The following CTCFL variants were observed in gnomAD, a reference collection of about 807,000 sequenced individuals.
CTCFL encodes transcriptional repressor CTCFL.
In CTCFL, 36 loss-of-function variants were observed where a neutral mutation model predicts 67.4. The ratio of observed to expected loss-of-function variants is 0.53; its 90% CI spans 0.41 to 0.71. CTCFL has a LOEUF of 0.71. Among genes scored for constraint, CTCFL ranks in the 30% least tolerant of loss-of-function variants. CTCFL has a pLI of 0.00. For synonymous variants in CTCFL, 324 were observed against 302.3 expected, an observed-to-expected ratio of 1.07 and a Z score of -0.75; for missense variants, 786 against 835.2, an observed-to-expected ratio of 0.94 and a Z score of 0.73.
At chr20:57,512,272 C>T (rs1050963663) in intron 8 of CTCFL, among the ~76,000 whole-genome samples, 1 of 152,184 alleles carries the variant, frequency 6.6e-6, no homozygotes, top group African/African-American at 2.4e-5. Context: ...TTGATCCGGG[C>T]TAAGGACCAC....
intron 8 of CTCFL, among the ~76,000 whole-genome samples, chr20:57,510,780 G>A (rs1367831002): frequency 6.6e-6 from 1 of 152,150 alleles, no homozygotes; most frequent in Non-Finnish European, 1.5e-5. Context: ...GGAGAATGGC[G>A]TGAACCCAGG....
At chr20:57,504,911 C>G (rs558845267) in intron 9 of CTCFL, among the ~76,000 whole-genome samples, 1 of 151,950 alleles carries the variant, frequency 6.6e-6, no homozygotes, top group Non-Finnish European at 1.5e-5. Context: ...ATCCTCCATG[C>G]GCTGATTTAT....
intron 9 of CTCFL, chr20:57,506,866 C>G: frequency 1.0e-6 from 1 of 985,076 alleles, no homozygotes; most frequent in Non-Finnish European, 1.2e-6. Flanking sequence ...GTTTTGGGAG[C>G]ACTGCCACAG....
Position 57,523,580 on chromosome 20 carries a change from T to C in CTCFL, c.543+83A>G. The stretch of plus-strand genomic sequence containing the variant: ...CTTTAATTTGCAACTGCAAAATACC[T>C]TGTCCAGACATAATATTGCATAAAA... On this transcript the variant is annotated intron_variant, in intron 2 of 10. Coordinates refer to ENST00000243914, the MANE Select transcript of CTCFL (RefSeq NM_001386993.1). 2.6e-6 allele frequency: 4 copies of C among 1,521,046 alleles called. No individual in the cohort carries two copies. In the South Asian group the frequency reaches 4.0e-5, roughly 15 times the overall value. The allele number at this position is 1,521,046 out of a possible 1,614,324, so 94.2% of individuals were successfully genotyped here. A position where few individuals can be genotyped will look rare whatever the true frequency, so the allele number is the denominator to read the frequency against.
chr20:57,524,077 G>T lies in CTCFL; in HGVS notation c.129C>A (p.Ser43Arg). The stretch of plus-strand genomic sequence containing the variant: ...TACGCTCGGCCTCCAACTCACTAGG[G>T]CTCCGATGGTCTTTCTCTCTGCACA... ...DGVCREKDHR[S>R]PSELEAERTS... The change falls in exon 2 of 11, where the codon AGC becomes AGA. Residue 43 changes from serine to arginine, a missense_variant. Coordinates refer to ENST00000243914, the MANE Select transcript of CTCFL (RefSeq NM_001386993.1). The T allele has an allele frequency of 6.2e-7, 1 of 1,613,672 alleles. No individual in the cohort carries two copies. The highest frequency in any genetic ancestry group is 8.5e-7 in the Non-Finnish European group (1 of 1,179,976).
intron 7 of CTCFL, 54 bp downstream of exon 7, chr20:57,514,538 G>A (rs1319684482): frequency 4.4e-6 from 7 of 1,595,556 alleles, no homozygotes; most frequent in East Asian, 4.5e-5. Context: ...ATAGGACCAC[G>A]CTCCAAAGAG....
chr20:57,519,474 G>C, intron 3 of CTCFL, 97 bp from the exon 4 acceptor site: 1 of 1,040,680 alleles, frequency 9.6e-7, no homozygotes, highest in Non-Finnish European at 1.5e-6. Context: ...ACTAACGTGG[G>C]AACTGAACAA....
chr20:57,525,637 G>A (rs1448785577), upstream of CTCFL: 1 of 57,802 alleles, frequency 1.7e-5, no homozygotes. Flanking sequence ...TGAGATACTG[G>A]GGGGAGGGGT....
chr20:57,503,710 C>A (rs1369199065), intron 9 of CTCFL, 109 bp from the exon 10 acceptor site: 1 of 1,158,888 alleles, frequency 8.6e-7, no homozygotes, highest in Non-Finnish European at 1.2e-6. Flanking sequence ...ATCCTGAGTT[C>A]TTTCGAGGGC....
chr20:57,524,155 T>C lies in CTCFL; in HGVS notation c.51A>G (p.Lys17=), dbSNP rs749032208. Residue 17 remains lysine, a synonymous_variant, in exon 2 of 11, where the codon AAA becomes AAG. Coordinates refer to ENST00000243914, the MANE Select transcript of CTCFL (RefSeq NM_001386993.1). ...SVLSEQFTKI[K]ELELMPEKGL... ...CTTTTTCCGGCATCAACTCGAGTTC[T>C]TTGATCTTGGTGAATTGCTCAGAAA... 3 of 1,613,572 alleles carry C rather than the reference T, an allele frequency of 1.9e-6. No individual in the cohort carries two copies. The Admixed American group carries it at 5.0e-5, about 27-fold the overall frequency.
Position 57,497,388 on chromosome 20 carries a change from G to C in CTCFL, c.*1162C>G, listed in dbSNP as rs1331712165. ...ATTTCCACATATTCACATTGTATAGGGATTCTGAACTTGTGATATTTTCAA... is the reference window on the plus strand; with the variant it reads ...ATTTCCACATATTCACATTGTATAGCGATTCTGAACTTGTGATATTTTCAA... On this transcript the variant is annotated 3_prime_UTR_variant, in exon 11 of 11. Transcript: ENST00000243914. The C allele has an allele frequency of 8.1e-6, 8 of 984,534 alleles. No individual in the cohort carries two copies. Among genetic ancestry groups the C allele is most frequent in the Non-Finnish European group, 8.4e-6 (7 of 829,342 alleles). 61.0% of individuals were successfully genotyped at this position (984,534 alleles called of 1,614,324 possible). A position where few individuals can be genotyped will look rare whatever the true frequency, so the allele number is the denominator to read the frequency against.
At position 57,523,288 on chromosome 20, in the gene CTCFL, A is replaced by G; in HGVS notation, c.544-10T>C. The stretch of plus-strand genomic sequence containing the variant: ...CCTGCTCTTCCTCGAGCTAATAAAC[A>G]ACAAATATTCAAATATGATACTATT... On this transcript the variant is annotated splice_polypyrimidine_tract_variant and intron_variant, in intron 2 of 10. Coordinates refer to ENST00000243914, the MANE Select transcript of CTCFL (RefSeq NM_001386993.1). The G allele has an allele frequency of 6.2e-7, 1 of 1,608,040 alleles. No individual in the cohort carries two copies. The highest frequency in any genetic ancestry group is 1.1e-5 in the South Asian group (1 of 90,522).
At position 57,513,847 on chromosome 20, in the gene CTCFL, T is replaced by C; in HGVS notation, c.1330+745A>G. 2.3e-6 allele frequency: 3 copies of C among 1,289,028 alleles called. No homozygotes were observed. In the South Asian group the frequency reaches 3.7e-5, roughly 16 times the overall value. 79.8% of individuals were successfully genotyped at this position (1,289,028 alleles called of 1,614,324 possible). Reference sequence around the variant, plus strand: ...ATATATTTTGGAAAGAGAAATAAGATCATGGAAAAGGGAGGCCCAGGAATC... The same window carrying C: ...ATATATTTTGGAAAGAGAAATAAGACCATGGAAAAGGGAGGCCCAGGAATC... On this transcript the variant is annotated intron_variant, in intron 7 of 10. Transcript: ENST00000243914.
rs1476595784 is a variant in CTCFL at position 57,497,605 on chromosome 20, C to G, written c.*945G>C. 3.6e-5 allele frequency: 35 copies of G among 985,300 alleles called. No individual in the cohort carries two copies. The highest frequency in any genetic ancestry group is 4.2e-5 in the Non-Finnish European group (35 of 829,934). 61.0% of individuals were successfully genotyped at this position (985,300 alleles called of 1,614,324 possible). A position where few individuals can be genotyped will look rare whatever the true frequency, so the allele number is the denominator to read the frequency against. On this transcript the variant is annotated 3_prime_UTR_variant, in exon 11 of 11. Transcript: ENST00000243914. The stretch of plus-strand genomic sequence containing the variant: ...TCACGCTGCTCGAGGGTGGAAAAAT[C>G]TTGTCAACTGGCAAAAGGGAAATAC...
At position 57,508,611 on chromosome 20, in the gene CTCFL, G is replaced by T. The variant is rs61754540; in HGVS notation, c.1669C>A (p.Arg557Ser). The change falls in exon 9 of 11, where the codon CGC (arginine) becomes AGC (serine). Residue 557 changes from arginine to serine, a missense_variant. This residue lies in a region of CTCFL where 199 missense variants were observed against 196.7 expected (regional missense o/e 1.01). Transcript: ENST00000243914. ...TGTGACTTAAGTAAGCTTACCCAGC[G>T]GGAAAAGCCTTTGCCACACTTGGAG... ...KCSKCGKGFS[R>S]WINLHRHSEK... 4.3e-6 allele frequency: 7 copies of T among 1,613,914 alleles called. No homozygotes were observed. The South Asian group carries it at 6.6e-5, about 15-fold the overall frequency.
chr20:57,504,326 C>A (rs949391386), intron 9 of CTCFL, among the ~76,000 whole-genome samples: 4 of 149,864 alleles, frequency 2.7e-5, no homozygotes, highest in Non-Finnish European at 4.5e-5. Flanking sequence ...GTCACCCAGG[C>A]TGGAGTGCAG....
Position 57,503,595 on chromosome 20 carries a change from G to A in CTCFL, c.1681C>T (p.Leu561=). The A allele has an allele frequency of 6.2e-7, 1 of 1,614,098 alleles. No individual in the cohort carries two copies. The highest frequency in any genetic ancestry group is 8.5e-7 in the Non-Finnish European group (1 of 1,180,006). Residue 561 remains leucine, a synonymous_variant, in exon 10 of 11, where the codon CTG becomes TTG. Coordinates refer to ENST00000243914, the MANE Select transcript of CTCFL (RefSeq NM_001386993.1). ...CCACACTTCTCCGAATGTCTGTGCA[G>A]GTTAATCTGTCGGAGAATTGACACA... ...CGKGFSRWIN[L]HRHSEKCGSG... is the part of the protein sequence containing the mutation.
chr20:57,517,019 C>T (rs963617956), intron 5 of CTCFL, among the ~76,000 whole-genome samples: 6 of 152,096 alleles, frequency 3.9e-5, no homozygotes, highest in East Asian at 1.9e-4. Context: ...AAGTGATGAG[C>T]GCACAGAAGC....
intron 7 of CTCFL, 152 bp downstream of exon 7, chr20:57,514,440 C>T (rs1030285621): frequency 1.2e-5 from 10 of 844,100 alleles, no homozygotes; most frequent in Admixed American, 2.5e-5. Flanking sequence ...CCAGATGGTG[C>T]GACAGGACTT....
Sources: allele counts gnomAD v4.1 joint callset (sites outside exome capture counted in the v4.1 genomes callset), GRCh38; gene constraint gnomAD v4.1.1; regional missense constraint gnomAD v4.1.1; transcripts MANE v1.5; gene names NCBI Gene and HGNC (gene_info 2026-07-23, HGNC 2026-07-21).